The following ZNF33A variants were observed in gnomAD, a reference collection of about 807,000 sequenced individuals.
The protein encoded by ZNF33A is zinc finger protein 33A.
ZNF33A carries 9 observed loss-of-function variants against 15.9 expected under a neutral mutation model. The observed-to-expected ratio is 0.57, with a 90% CI of 0.34 to 0.99. The LOEUF (loss-of-function observed/expected upper bound fraction) is 0.99, where lower values mean the gene tolerates loss of function less well. Ranked by LOEUF, ZNF33A falls within the 50% of genes least tolerant of loss-of-function variation. The pLI is 0.02. For missense variants in ZNF33A, 843 were observed against 941.6 expected, an observed-to-expected ratio of 0.90 and a Z score of 1.37; for synonymous variants, 294 against 324.2, an observed-to-expected ratio of 0.91 and a Z score of 1.00.
chr10:38,013,887 C>T (rs1439663504), intron 2 of ZNF33A, among the ~76,000 whole-genome samples: 1 of 152,104 alleles, frequency 6.6e-6, no homozygotes, highest in Admixed American at 6.6e-5. Flanking sequence ...ACTCCTGAAG[C>T]TGCCGTCTTG....
chr10:38,057,636 C>T lies in ZNF33A; in HGVS notation c.*1076C>T, dbSNP rs1026288889. The stretch of plus-strand genomic sequence containing the variant: ...GGTATAAATCAAAATAACAAATTAT[C>T]TAAAAAAAATCTATCCTGTACATGT... On this transcript the variant is annotated 3_prime_UTR_variant, in exon 5 of 5. Transcript: ENST00000432900. The T allele has an allele frequency of 2.9e-5, 29 of 985,084 alleles. No individual in the cohort carries two copies. In the African/African-American group the frequency reaches 4.9e-4, roughly 17 times the overall value. The allele number at this position is 985,084 out of a possible 1,614,324, so 61.0% of individuals were successfully genotyped here. A position where few individuals can be genotyped will look rare whatever the true frequency, so the allele number is the denominator to read the frequency against.
chr10:38,022,155 TGAAAATAG>T (rs2064773877), intron 4 of ZNF33A, among the ~76,000 whole-genome samples: 1 of 152,024 alleles, frequency 6.6e-6, no homozygotes, highest in South Asian at 2.1e-4. Flanking sequence ...TCAGTAAAAT[TGAAAATAG>T]GAAAAAGTAG....
chr10:38,024,663 G>A (rs1469613338), intron 4 of ZNF33A, among the ~76,000 whole-genome samples: 1 of 152,226 alleles, frequency 6.6e-6, no homozygotes. Context: ...TGTATCCAGT[G>A]TTAAGGCTTA....
chr10:38,057,890 C>T lies in ZNF33A; in HGVS notation c.*1330C>T. 4 of 985,410 alleles carry T rather than the reference C, an allele frequency of 4.1e-6. No homozygotes were observed. Among genetic ancestry groups the T allele is most frequent in the Non-Finnish European group, 4.8e-6 (4 of 829,934 alleles). 61.0% of individuals were successfully genotyped at this position (985,410 alleles called of 1,614,324 possible). On this transcript the variant is annotated 3_prime_UTR_variant, in exon 5 of 5. Transcript: ENST00000432900. Reference sequence around the variant, plus strand: ...ACTGTCATTTCAAGGCTCATTGTCCCCAGACAGGGATCTGGGCCCTCAGAC... The same window carrying T: ...ACTGTCATTTCAAGGCTCATTGTCCTCAGACAGGGATCTGGGCCCTCAGAC...
In ZNF33A at chr10:38,056,140, A is replaced by G. The variant is rs150415971; in HGVS notation, c.2016A>G (p.Lys672=). The part of the protein sequence containing the change: ...EKPYKCNECG[K]SFCVKSGLIF... ...CCTATAAATGTAATGAATGTGGAAAATCTTTCTGTGTAAAATCAGGACTTA... is the reference window on the plus strand; with the variant it reads ...CCTATAAATGTAATGAATGTGGAAAGTCTTTCTGTGTAAAATCAGGACTTA... Residue 672 remains lysine (K), a synonymous_variant, in exon 5 of 5, where the codon AAA becomes AAG. Coordinates refer to ENST00000432900, the MANE Select transcript of ZNF33A (RefSeq NM_006954.2). 2.5e-4 allele frequency: 408 copies of G among 1,614,000 alleles called. No homozygotes were observed. The highest frequency in any genetic ancestry group is 3.2e-4 in the Non-Finnish European group (382 of 1,179,996).
intron 4 of ZNF33A, chr10:38,039,468 C>G (rs1219275916): frequency 2.2e-6 from 1 of 455,422 alleles, no homozygotes; most frequent in African/African-American, 2.0e-5. Flanking sequence ...TTCAAGTGAT[C>G]CACCTGCCTT....
chr10:38,053,406 T>G (rs1301409779), intron 4 of ZNF33A, among the ~76,000 whole-genome samples: 2 of 152,120 alleles, frequency 1.3e-5, no homozygotes, highest in Admixed American at 6.6e-5. Context: ...GCATGTGCTT[T>G]CCAGTATCCT....
In ZNF33A at chr10:38,054,934, A is replaced by G; in HGVS notation, c.810A>G (p.Ser270=). The change falls in exon 5 of 5, where the codon TCA becomes TCG. Residue 270 remains serine (S), a synonymous_variant. Coordinates refer to ENST00000432900, the MANE Select transcript of ZNF33A (RefSeq NM_006954.2). ...SSLLFHQISP[S]RDNHYEFSDC... Reference sequence around the variant, plus strand: ...TCTTGTTCCATCAGATATCTCCGTCAAGGGACAATCACTATGAATTTAGTG... The same window carrying G: ...TCTTGTTCCATCAGATATCTCCGTCGAGGGACAATCACTATGAATTTAGTG... The G allele has an allele frequency of 6.2e-7, 1 of 1,614,050 alleles. No individual in the cohort carries two copies. The highest frequency in any genetic ancestry group is 8.5e-7 in the Non-Finnish European group (1 of 1,179,998).
At chr10:38,025,534 G>T (rs181263454) in intron 4 of ZNF33A, among the ~76,000 whole-genome samples, 31 of 152,356 alleles carry the variant, frequency 2.0e-4, no homozygotes, top group Admixed American at 1.7e-3. Context: ...ATGTGAATAT[G>T]CAGTGGCCTT....
At chr10:38,048,806 C>G (rs2066070430) in intron 4 of ZNF33A, among the ~76,000 whole-genome samples, 1 of 151,926 alleles carries the variant, frequency 6.6e-6, no homozygotes. Context: ...AGAAATAGAT[C>G]CACAGTTATA....
rs12781995 is a variant in ZNF33A, at chr10:38,024,828, G to T, written c.250+7442G>T. ...GTTGTGAGTAGCATGATGAAATTTT[G>T]CACTGTCCTGTCCCAGGACATGAAT... On this transcript the variant is annotated intron_variant, in intron 4 of 4. Coordinates refer to ENST00000432900, the MANE Select transcript of ZNF33A (RefSeq NM_006954.2). Among the ~76,000 whole-genome samples, 276 of 152,298 alleles carry T rather than the reference G, an allele frequency of 1.8e-3. 1 individual carries two copies. Among genetic ancestry groups the T allele is most frequent in the Non-Finnish European group, 2.9e-3 (196 of 68,024 alleles).
intron 4 of ZNF33A, among the ~76,000 whole-genome samples, chr10:38,026,970 A>G (rs2065016019): frequency 6.6e-6 from 1 of 152,196 alleles, no homozygotes; most frequent in Non-Finnish European, 1.5e-5. Context: ...ATCAACTGAA[A>G]GAAAAGGCTT....
At position 38,058,291 on chromosome 10, in the gene ZNF33A, G is replaced by A. The variant is rs1383597434; in HGVS notation, c.*1731G>A. On this transcript the variant is annotated 3_prime_UTR_variant, in exon 5 of 5. Coordinates refer to ENST00000432900, the MANE Select transcript of ZNF33A (RefSeq NM_006954.2). ...ATTGCTAATACCAAAAATGAAAGAG[G>A]CCATCACAGCTAATCCTATGGTCAC... 1 of 151,640 alleles carries A rather than the reference G, an allele frequency of 6.6e-6. No individual in the cohort carries two copies. Among genetic ancestry groups the A allele is most frequent in the Non-Finnish European group, 1.5e-5 (1 of 68,526 alleles). 9.4% of individuals were successfully genotyped at this position (151,640 alleles called of 1,614,324 possible). A position where few individuals can be genotyped will look rare whatever the true frequency, so the allele number is the denominator to read the frequency against.
intron 4 of ZNF33A, among the ~76,000 whole-genome samples, chr10:38,035,111 C>CTTTTTTTTTTTTTTTT: frequency 1.2e-5 from 1 of 85,772 alleles, no homozygotes; most frequent in Non-Finnish European, 2.0e-5. Context: ...CATTTACTTT[C>CTTTTTTTTTTTTTTTT]TTTTTTTTTT....
At chr10:38,048,023 A>C (rs2066034307) in intron 4 of ZNF33A, among the ~76,000 whole-genome samples, 1 of 152,204 alleles carries the variant, frequency 6.6e-6, no homozygotes. Flanking sequence ...CATTATTTTT[A>C]GTTTTAAAAG....
At chr10:38,049,068 G>C (rs2066082584) in intron 4 of ZNF33A, among the ~76,000 whole-genome samples, 1 of 151,988 alleles carries the variant, frequency 6.6e-6, no homozygotes, top group Non-Finnish European at 1.5e-5. Flanking sequence ...GTCATATAGA[G>C]TATTTTCTCC....
intron 4 of ZNF33A, among the ~76,000 whole-genome samples, chr10:38,053,778 A>G (rs1191040343): frequency 6.6e-6 from 1 of 152,130 alleles, no homozygotes; most frequent in Non-Finnish European, 1.5e-5. Context: ...GAACTCAGAC[A>G]TCTTCTGAGT....
At chr10:38,041,774 T>C (rs1159470393) in intron 4 of ZNF33A, among the ~76,000 whole-genome samples, 1 of 152,218 alleles carries the variant, frequency 6.6e-6, no homozygotes, top group East Asian at 1.9e-4. Context: ...GAAACACTTT[T>C]GATGCCAAGC....
In ZNF33A at chr10:38,046,249, C is replaced by T. The variant is rs536059668; in HGVS notation, c.251-8126C>T. Among the ~76,000 whole-genome samples the T allele has an allele frequency of 9.5e-4, 145 of 152,118 alleles. 1 individual carries two copies. The highest frequency in any genetic ancestry group is 3.4e-3 in the Middle Eastern group (1 of 294). On this transcript the variant is annotated intron_variant, in intron 4 of 4. Coordinates refer to ENST00000432900, the MANE Select transcript of ZNF33A (RefSeq NM_006954.2). ...TAAAGGGGCCTCCATGAATGTTCAG[C>T]AAAGTACTAATCGGCTCATGTATAT...
Sources: allele counts gnomAD v4.1 joint callset (sites outside exome capture counted in the v4.1 genomes callset), GRCh38; gene constraint gnomAD v4.1.1; transcripts MANE v1.5; gene names NCBI Gene and HGNC (gene_info 2026-07-23, HGNC 2026-07-21).